Variants in JAKMIP3 observed in about 807,000 individuals in gnomAD.
JAKMIP3 encodes Janus kinase and microtubule interacting protein 3, also known as janus kinase and microtubule-interacting protein 3.
JAKMIP3 carries 58 observed loss-of-function variants against 118.5 expected under a neutral mutation model. The observed-to-expected ratio is 0.49, with a 90% CI of 0.40 to 0.61. The LOEUF (loss-of-function observed/expected upper bound fraction) is 0.61, where lower values mean the gene tolerates loss of function less well. JAKMIP3 is among the 20% of genes least tolerant of loss of function. The pLI is 0.00. For missense variants in JAKMIP3, 950 were observed against 1,109.0 expected (o/e 0.86, Z 2.04); for synonymous variants, 486 against 451.2 (o/e 1.08, Z -0.98).
chr10:132,118,673 G>A lies in JAKMIP3; in HGVS notation c.633+1099G>A, dbSNP rs566565662. On this transcript the variant is annotated intron_variant, in intron 3 of 23. Transcript: ENST00000684848. The surrounding 1 kb of genome is among the most constrained non-coding windows in gnomAD (Gnocchi z 4.8). Reference sequence around the variant, plus strand: ...ACCTCGCCACAGTGTACACGTGGGTGCCCCCAAACGTGCCTAACCCGGGTG... The same window carrying A: ...ACCTCGCCACAGTGTACACGTGGGTACCCCCAAACGTGCCTAACCCGGGTG... 1.3e-5 allele frequency among the ~76,000 whole-genome samples: 2 copies of A among 152,334 alleles called. No individual in the cohort carries two copies. The highest frequency in any genetic ancestry group is 4.1e-4 in the South Asian group (2 of 4,830).
rs527783505 is a variant in JAKMIP3 at position 132,179,755 on chromosome 10, G to C, written c.*1104-2602G>C. On this transcript the variant is annotated intron_variant, in intron 23 of 23. Coordinates refer to ENST00000684848, the MANE Select transcript of JAKMIP3 (RefSeq NM_001323087.2). This position sits in a 1 kb window ranked among gnomAD's most constrained non-coding sequence, Gnocchi z 4.3. ...CCACAGCAGGGTCACGCCACGGCAG[G>C]GTCACACCACAACAGCCACACCATG... Among the ~76,000 whole-genome samples, 1 of 148,378 alleles carries C rather than the reference G, an allele frequency of 6.7e-6. No individual in the cohort carries two copies. The highest frequency in any genetic ancestry group is 1.9e-4 in the East Asian group (1 of 5,164).
At chr10:132,124,967 T>G (rs929433564) in intron 3 of JAKMIP3, among the ~76,000 whole-genome samples, 4 of 152,236 alleles carry the variant, frequency 2.6e-5, no homozygotes, top group African/African-American at 9.6e-5. Flanking sequence ...TGCTCATGTC[T>G]TCCCTGCCAT....
intron 1 of JAKMIP3, among the ~76,000 whole-genome samples, chr10:132,081,505 C>T (rs959017956): frequency 2.0e-5 from 3 of 152,202 alleles, no homozygotes; most frequent in Admixed American, 2.0e-4. Flanking sequence ...TGCTCACATG[C>T]TGGTCGGCTC....
intron 8 of JAKMIP3, among the ~76,000 whole-genome samples, chr10:132,137,689 G>T (rs556145961): frequency 6.6e-6 from 1 of 152,212 alleles, no homozygotes; most frequent in Non-Finnish European, 1.5e-5. Flanking sequence ...TGGGTTCCCC[G>T]GAGAGCAGCA....
At chr10:132,109,162 TAAA>T (rs1158853156) in intron 2 of JAKMIP3, among the ~76,000 whole-genome samples, 3 of 148,274 alleles carry the variant, frequency 2.0e-5, no homozygotes, top group African/African-American at 7.5e-5. Context: ...ACACATATAT[TAAA>T]AAAAACTGGG....
intron 12 of JAKMIP3, 69 bp downstream of exon 12, chr10:132,145,259 G>A: frequency 4.6e-6 from 6 of 1,299,964 alleles, no homozygotes; most frequent in Non-Finnish European, 6.5e-6. Flanking sequence ...TGTACCTAAA[G>A]ACAAGCTTCA....
chr10:132,104,633 C>A lies in JAKMIP3; in HGVS notation c.-137-39C>A, dbSNP rs995210282. The A allele has an allele frequency of 7.6e-6, 5 of 658,696 alleles. No homozygotes were observed. In the African/African-American group the frequency reaches 9.1e-5, roughly 12 times the overall value. The allele number at this position is 658,696 out of a possible 1,614,324, so 40.8% of individuals were successfully genotyped here. Reference sequence around the variant, plus strand: ...GCCCCTGAGCTCCAGGCCACGGCTCCGGAGGGAGCTGCTCACCGCGGTGTG... The same window carrying A: ...GCCCCTGAGCTCCAGGCCACGGCTCAGGAGGGAGCTGCTCACCGCGGTGTG... On this transcript the variant is annotated intron_variant, in intron 1 of 23. Coordinates refer to ENST00000684848, the MANE Select transcript of JAKMIP3 (RefSeq NM_001323087.2).
intron 8 of JAKMIP3, 81 bp downstream of exon 8, chr10:132,137,370 C>G: frequency 1.3e-6 from 2 of 1,545,394 alleles, no homozygotes; most frequent in East Asian, 4.5e-5. Context: ...GCCCAGGGCT[C>G]CTCACAGACC....
At chr10:132,060,098 T>C (rs1191275322), upstream of JAKMIP3, among the ~76,000 whole-genome samples, 1 of 152,174 alleles carries the variant, frequency 6.6e-6, no homozygotes, top group East Asian at 1.9e-4. Flanking sequence ...GGACCCTCGA[T>C]GCACTGAGCC....
intron 13 of JAKMIP3, among the ~76,000 whole-genome samples, chr10:132,147,623 C>T (rs1385201768): frequency 6.6e-6 from 1 of 152,106 alleles, no homozygotes; most frequent in Admixed American, 6.6e-5. Context: ...GATGTACAGC[C>T]CCTGCTGGAG....
chr10:132,103,352 G>A (rs2045321766), intron 1 of JAKMIP3, among the ~76,000 whole-genome samples: 1 of 150,210 alleles, frequency 6.7e-6, no homozygotes, highest in African/African-American at 2.5e-5. Context: ...AGCAGCTGCT[G>A]GAGAGGAACA....
chr10:132,126,404 G>A (rs1030240360), intron 3 of JAKMIP3, among the ~76,000 whole-genome samples: 1 of 151,830 alleles, frequency 6.6e-6, no homozygotes, highest in Non-Finnish European at 1.5e-5. Flanking sequence ...CCAGGCTCAA[G>A]TGATCCTCCT....
chr10:132,121,718 T>C (rs1382281263), intron 3 of JAKMIP3, among the ~76,000 whole-genome samples: 1 of 152,164 alleles, frequency 6.6e-6, no homozygotes, highest in African/African-American at 2.4e-5. Flanking sequence ...GAGGCTGGCC[T>C]GACTGGGACA....
upstream of JAKMIP3, among the ~76,000 whole-genome samples, chr10:132,065,354 G>C (rs186315331): frequency 6.6e-6 from 1 of 152,226 alleles, no homozygotes; most frequent in Admixed American, 6.5e-5. This position sits in a 1 kb window ranked among gnomAD's most constrained non-coding sequence, Gnocchi z 5.6. Context: ...GTTCCCGTCT[G>C]CATTTTCAGT....
At chr10:132,166,899 G>A (rs1277592976) in intron 21 of JAKMIP3, 84 bp from the exon 22 acceptor site, 3 of 930,560 alleles carry the variant, frequency 3.2e-6, no homozygotes, top group Admixed American at 2.1e-5. Flanking sequence ...GTCTGTAATC[G>A]CGTGTATTTC....
intron 9 of JAKMIP3, among the ~76,000 whole-genome samples, chr10:132,139,932 AAGGC>A (rs1369153483): frequency 2.6e-5 from 4 of 152,130 alleles, no homozygotes; most frequent in African/African-American, 9.7e-5. Context: ...TCGATTCTTG[AAGGC>A]AGGGGTGAGG....
intron 1 of JAKMIP3, among the ~76,000 whole-genome samples, chr10:132,052,856 T>A (rs913916579): frequency 6.6e-6 from 1 of 152,222 alleles, no homozygotes; most frequent in African/African-American, 2.4e-5. Context: ...TATGTGGGAA[T>A]TCTGTGCACT....
chr10:132,081,747 A>G (rs2041791315), intron 1 of JAKMIP3, among the ~76,000 whole-genome samples: 1 of 151,278 alleles, frequency 6.6e-6, no homozygotes, highest in South Asian at 2.1e-4. Context: ...TGCTGAGCCA[A>G]CTGGCCTTTC....
chr10:132,117,362 G>C lies in JAKMIP3; in HGVS notation c.421G>C (p.Glu141Gln). The C allele has an allele frequency of 6.2e-7, 1 of 1,614,032 alleles. No individual in the cohort carries two copies. Reference protein sequence around the residue: ...VKTVLLSEAKEEAKKGFEVEK... With the variant: ...VKTVLLSEAKQEAKKGFEVEK... The stretch of plus-strand genomic sequence containing the variant: ...GACCGTGCTGCTGTCCGAGGCCAAG[G>C]AGGAGGCCAAGAAGGGGTTCGAGGT... The change falls in exon 3 of 24, where the codon GAG becomes CAG. Residue 141 changes from glutamate (E) to glutamine (Q), a missense_variant. Coordinates refer to ENST00000684848, the MANE Select transcript of JAKMIP3 (RefSeq NM_001323087.2). This position sits in a 1 kb window ranked among gnomAD's most constrained non-coding sequence, Gnocchi z 8.6.
Sources: gnomAD v4.1 joint callset for allele counts (sites outside exome capture counted in the v4.1 genomes callset) on GRCh38, gnomAD v4.1.1 for gene constraint, Gnocchi (gnomAD v3.1) non-coding constraint, MANE v1.5 for transcripts, NCBI Gene and HGNC (gene_info 2026-07-23, HGNC 2026-07-21) for gene names.